The following CADPS2 variants were observed in gnomAD, a reference collection of about 807,000 sequenced individuals.
CADPS2 encodes calcium-dependent secretion activator 2.
CADPS2 carries 93 observed loss-of-function variants against 172.5 expected under a neutral mutation model. The ratio of observed to expected loss-of-function variants is 0.54; its 90% CI spans 0.46 to 0.64. The LOEUF is 0.64. Among genes scored for constraint, CADPS2 ranks in the 30% least tolerant of loss-of-function variants. CADPS2 has a pLI of 0.00. For missense variants in CADPS2, 1,420 were observed against 1,565.9 expected (o/e 0.91, Z 1.57); for synonymous variants, 546 against 555.2 (o/e 0.98, Z 0.23).
chr7:122,630,930 T>A (rs975000880), intron 3 of CADPS2, among the ~76,000 whole-genome samples: 48 of 152,068 alleles, frequency 3.2e-4, no homozygotes, highest in Non-Finnish European at 5.9e-5. Flanking sequence ...CTCATAAAAC[T>A]AACAAACAAT....
At chr7:122,809,718 T>G (rs7784683) in intron 1 of CADPS2, among the ~76,000 whole-genome samples, 3 of 152,186 alleles carry the variant, frequency 2.0e-5, no homozygotes, top group African/African-American at 7.2e-5. Flanking sequence ...ACAACTCCTG[T>G]GGGAAATAAT....
intron 3 of CADPS2, among the ~76,000 whole-genome samples, chr7:122,630,797 T>C (rs754910395): frequency 8.5e-5 from 13 of 152,140 alleles, no homozygotes; most frequent in African/African-American, 1.2e-4. Context: ...GGCCTGAGAT[T>C]ACCTGTCTAA....
chr7:122,543,732 C>T (rs2063334738), intron 8 of CADPS2, among the ~76,000 whole-genome samples: 1 of 152,054 alleles, frequency 6.6e-6, no homozygotes, highest in South Asian at 2.1e-4. Context: ...CATATTGTCT[C>T]TTAATCTGAA....
intron 24 of CADPS2, among the ~76,000 whole-genome samples, chr7:122,385,918 T>C (rs1003494102): frequency 6.6e-6 from 1 of 152,112 alleles, no homozygotes; most frequent in Non-Finnish European, 1.5e-5. Context: ...ATACTGTAGA[T>C]AAATGCTTGA....
At chr7:122,601,134 A>G (rs2072703789) in intron 6 of CADPS2, among the ~76,000 whole-genome samples, 1 of 120,220 alleles carries the variant, frequency 8.3e-6, no homozygotes, top group Admixed American at 8.5e-5. Flanking sequence ...AATAAAGGGC[A>G]TAAAAGATTA....
chr7:122,792,722 A>T lies in CADPS2; in HGVS notation c.340-55654T>A, dbSNP rs1188788406. 2.0e-5 allele frequency among the ~76,000 whole-genome samples: 3 copies of T among 152,188 alleles called. No individual in the cohort carries two copies. In the East Asian group the frequency reaches 5.8e-4, roughly 29 times the overall value. On this transcript the variant is annotated intron_variant, in intron 1 of 29. Coordinates refer to ENST00000449022, the MANE Select transcript of CADPS2 (RefSeq NM_017954.11). ...TTATAAAGCAAAGCAAAGAAATTTA[A>T]CCAATTATAAGATATTCACTGTTAA...
chr7:122,321,777 G>GCCAT (rs1194667434), intron 29 of CADPS2, among the ~76,000 whole-genome samples: 1 of 152,214 alleles, frequency 6.6e-6, no homozygotes, highest in East Asian at 1.9e-4. Flanking sequence ...ACAGCACTCA[G>GCCAT]CCATGTTCAC....
chr7:122,543,504 T>A (rs1014931041), intron 8 of CADPS2, among the ~76,000 whole-genome samples: 2 of 152,128 alleles, frequency 1.3e-5, no homozygotes, highest in African/African-American at 4.8e-5. Flanking sequence ...ATGTGTTGAA[T>A]AACTGATTTG....
At chr7:122,815,492 A>G (rs987010590) in intron 1 of CADPS2, among the ~76,000 whole-genome samples, 1 of 152,196 alleles carries the variant, frequency 6.6e-6, no homozygotes, top group Non-Finnish European at 1.5e-5. Context: ...TTTAGAAGTC[A>G]ATGAAAACAA....
intron 20 of CADPS2, among the ~76,000 whole-genome samples, chr7:122,394,567 G>T (rs1355036613): frequency 1.3e-5 from 2 of 152,128 alleles, no homozygotes; most frequent in Admixed American, 1.3e-4. Context: ...AGAGACAGAA[G>T]AACCTTCCAT....
intron 27 of CADPS2, among the ~76,000 whole-genome samples, chr7:122,359,201 T>G (rs772528078): frequency 2.6e-5 from 4 of 152,020 alleles, no homozygotes; most frequent in Non-Finnish European, 5.9e-5. Context: ...AGAGGAGGCA[T>G]GAAAATTGTC....
intron 1 of CADPS2, among the ~76,000 whole-genome samples, chr7:122,795,141 G>GA (rs1589245426): frequency 6.6e-6 from 1 of 150,970 alleles, no homozygotes; most frequent in Non-Finnish European, 1.5e-5. Context: ...GAAGGAGATT[G>GA]AGACATAAAA....
chr7:122,533,053 T>TCCGCACCCC (rs2061921802), intron 8 of CADPS2, among the ~76,000 whole-genome samples: 1 of 152,030 alleles, frequency 6.6e-6, no homozygotes, highest in Non-Finnish European at 1.5e-5. Flanking sequence ...GAAAGGCCTA[T>TCCGCACCCC]CACTCTTGCC....
intron 2 of CADPS2, among the ~76,000 whole-genome samples, chr7:122,711,988 TA>T (rs1481552036): frequency 6.6e-6 from 1 of 152,046 alleles, no homozygotes; most frequent in African/African-American, 2.4e-5. Context: ...ATTTTGCAGT[TA>T]AAACAGTACA....
At chr7:122,517,535 A>C (rs1270453113) in intron 8 of CADPS2, among the ~76,000 whole-genome samples, 1 of 152,098 alleles carries the variant, frequency 6.6e-6, no homozygotes, top group Non-Finnish European at 1.5e-5. Flanking sequence ...GTATAAAGGT[A>C]CATCTTACTT....
chr7:122,474,431 G>A lies in CADPS2; in HGVS notation c.1948C>T (p.Leu650Phe), dbSNP rs774365795. The change falls in exon 13 of 30, where the codon CTC (leucine) becomes TTC (phenylalanine). Residue 650 changes from leucine to phenylalanine, a missense_variant. Leu to Phe is a conservative substitution (Grantham distance 22, BLOSUM62 0). Transcript: ENST00000449022. ...CTGTGATCCAAAGTCTGCCTCTGGA[G>A]TATTCTAAAAAGGAAGGCATGATCA... is the stretch of plus-strand genomic sequence containing the variant. ...KLDHAFLFRI[L>F]QRQTLDHRLN... 1.2e-6 allele frequency: 2 copies of A among 1,613,376 alleles called. No individual in the cohort carries two copies. The highest frequency in any genetic ancestry group is 4.5e-5 in the East Asian group (2 of 44,780).
At chr7:122,849,489 C>G (rs1025591871) in intron 1 of CADPS2, among the ~76,000 whole-genome samples, 1 of 152,154 alleles carries the variant, frequency 6.6e-6, no homozygotes, top group African/African-American at 2.4e-5. Flanking sequence ...TCACAAAGTT[C>G]ATAAACTATG....
chr7:122,327,861 TATC>T (rs2034180519), intron 28 of CADPS2, among the ~76,000 whole-genome samples: 1 of 152,102 alleles, frequency 6.6e-6, no homozygotes, highest in Non-Finnish European at 1.5e-5. Flanking sequence ...TTAAGCTATT[TATC>T]ATCATCTTAC....
At chr7:122,513,865 T>C (rs953836541) in intron 8 of CADPS2, among the ~76,000 whole-genome samples, 2 of 152,202 alleles carry the variant, frequency 1.3e-5, no homozygotes, top group Admixed American at 6.5e-5. Flanking sequence ...GCTCCATCAT[T>C]ATGGGATTTA....
Sources: gnomAD v4.1 joint callset for allele counts (sites outside exome capture counted in the v4.1 genomes callset) on GRCh38, gnomAD v4.1.1 for gene constraint, MANE v1.5 for transcripts, NCBI Gene and HGNC (gene_info 2026-07-23, HGNC 2026-07-21) for gene names.